Variants in TMCO1 observed in about 807,000 individuals in gnomAD.
TMCO1 encodes the protein transmembrane and coiled-coil domains 1, also known as calcium load-activated calcium channel.
Under a neutral mutation model 29.3 loss-of-function variants are expected in TMCO1, and 29 were observed. The observed-to-expected ratio is 0.99, with a 90% CI of 0.74 to 1.35. The LOEUF is 1.35. Among genes scored for constraint, TMCO1 ranks in the 40% most tolerant of loss-of-function variants. The pLI, the probability that TMCO1 is intolerant of heterozygous loss-of-function variation, is 0.00. For missense variants in TMCO1, 173 were observed against 225.5 expected, an observed-to-expected ratio of 0.77 and a Z score of 1.49; for synonymous variants, 80 against 77.1, an observed-to-expected ratio of 1.04 and a Z score of -0.20.
chr1:165,751,473 G>A (rs1436950036), intron 5 of TMCO1, among the ~76,000 whole-genome samples: 1 of 152,116 alleles, frequency 6.6e-6, no homozygotes, highest in East Asian at 1.9e-4. Context: ...GGAGGCCGAG[G>A]CAGGTGAATC....
At chr1:165,755,913 C>A (rs1028700269) in intron 3 of TMCO1, among the ~76,000 whole-genome samples, 1 of 152,028 alleles carries the variant, frequency 6.6e-6, no homozygotes, top group African/African-American at 2.4e-5. Flanking sequence ...CAATTAGATT[C>A]CTCTCTCAGG....
At chr1:165,746,262 T>G (rs1558035552) in intron 5 of TMCO1, among the ~76,000 whole-genome samples, 1 of 149,800 alleles carries the variant, frequency 6.7e-6, no homozygotes, top group African/African-American at 2.5e-5. Context: ...TGAGCCGAGA[T>G]TGTGCCACTG....
chr1:165,742,937 G>C (rs1651649325), intron 6 of TMCO1, among the ~76,000 whole-genome samples: 1 of 152,282 alleles, frequency 6.6e-6, no homozygotes, highest in Admixed American at 6.5e-5. Context: ...CTAAGAATGG[G>C]ATGTGGAATC....
Position 165,726,896 on chromosome 1 carries a change from G to A in TMCO1, c.*1127C>T, listed in dbSNP as rs1650915689. 1 of 453,804 alleles carries A rather than the reference G, an allele frequency of 2.2e-6. No individual in the cohort carries two copies. Among genetic ancestry groups the A allele is most frequent in the African/African-American group, 2.0e-5 (1 of 49,930 alleles). 28.1% of individuals were successfully genotyped at this position (453,804 alleles called of 1,614,324 possible). A position where few individuals can be genotyped will look rare whatever the true frequency, so the allele number is the denominator to read the frequency against. ...AGCACTTTGAAGATACTTTTCTACT[G>A]TCTTCTGGACTTTATGGTGCTGATA... On this transcript the variant is annotated 3_prime_UTR_variant, in exon 7 of 7. Transcript: ENST00000367881.
At chr1:165,738,989 A>G (rs1651487057) in intron 6 of TMCO1, among the ~76,000 whole-genome samples, 1 of 152,204 alleles carries the variant, frequency 6.6e-6, no homozygotes, top group African/African-American at 2.4e-5. Context: ...TGAACCAGGC[A>G]GGAAACAGGC....
intron 6 of TMCO1, among the ~76,000 whole-genome samples, chr1:165,731,471 C>G (rs1651157917): frequency 6.6e-6 from 1 of 152,142 alleles, no homozygotes; most frequent in South Asian, 2.1e-4. Context: ...AGACAAAATA[C>G]ACAAGGGATT....
intron 5 of TMCO1, among the ~76,000 whole-genome samples, chr1:165,750,537 G>A (rs1295200863): frequency 9.0e-6 from 1 of 111,470 alleles, no homozygotes. Flanking sequence ...GCAAAACTCC[G>A]TCTCAAAAAA....
At chr1:165,729,291 T>C (rs1485396301) in intron 6 of TMCO1, among the ~76,000 whole-genome samples, 1 of 150,504 alleles carries the variant, frequency 6.6e-6, no homozygotes, top group African/African-American at 2.4e-5. Context: ...TTATTCAGTT[T>C]TTAAAAACAT....
intron 5 of TMCO1, among the ~76,000 whole-genome samples, chr1:165,748,073 C>T (rs538723262): frequency 2.0e-5 from 3 of 151,742 alleles, no homozygotes; most frequent in South Asian, 2.1e-4. Context: ...GCAGGAGAAT[C>T]GCTTGAACCC....
At chr1:165,759,243 A>G (rs1464846875) in intron 3 of TMCO1, among the ~76,000 whole-genome samples, 1 of 152,200 alleles carries the variant, frequency 6.6e-6, no homozygotes, top group Non-Finnish European at 1.5e-5. Context: ...TGCTTTTACA[A>G]ACTATGCCAA....
chr1:165,752,202 C>A lies in TMCO1; in HGVS notation c.256-33G>T, dbSNP rs201738433. The A allele has an allele frequency of 2.2e-4, 332 of 1,516,486 alleles. 3 individuals are homozygous for A. In the East Asian group the frequency reaches 6.9e-3, roughly 32 times the overall value. The allele number at this position is 1,516,486 out of a possible 1,614,324, so 93.9% of individuals were successfully genotyped here. ...GAGACGAACAAATTGTCATTTTACA[C>A]TAAAAAAAAACACATCTAAAGCATA... On this transcript the variant is annotated intron_variant, in intron 4 of 6. Coordinates refer to ENST00000367881, the MANE Select transcript of TMCO1 (RefSeq NM_019026.6).
intron 2 of TMCO1, among the ~76,000 whole-genome samples, chr1:165,765,881 T>C (rs181087527): frequency 6.6e-6 from 1 of 152,278 alleles, no homozygotes. Context: ...CAAATAGGCT[T>C]TTAAAAAGAT....
intron 6 of TMCO1, among the ~76,000 whole-genome samples, chr1:165,740,036 A>G (rs113299150): frequency 3.3e-5 from 5 of 151,592 alleles, no homozygotes; most frequent in African/African-American, 1.2e-4. Context: ...CACTTGAACC[A>G]GGGAGGCGGA....
At chr1:165,757,050 T>G (rs1326531826) in intron 3 of TMCO1, among the ~76,000 whole-genome samples, 20 of 152,162 alleles carry the variant, frequency 1.3e-4, no homozygotes, top group Admixed American at 1.3e-3. Context: ...TCCAGGCTTA[T>G]CAGCAGCCGA....
intron 6 of TMCO1, among the ~76,000 whole-genome samples, chr1:165,729,974 T>C (rs80086309): frequency 0.034 from 5,158 of 152,000 alleles, 309 homozygotes; most frequent in African/African-American, 0.12. Flanking sequence ...TCTACAAGCA[T>C]ACACACCCTC....
At chr1:165,724,989 TCTCTCTCTCTC>T, downstream of TMCO1, 1 of 85,860 alleles carries the variant, frequency 1.2e-5, no homozygotes, top group South Asian at 1.1e-4. Flanking sequence ...TCTCTCTTTC[TCTCTCTCTCTC>T]TCTCTCTCTC....
intron 6 of TMCO1, among the ~76,000 whole-genome samples, chr1:165,731,978 A>G (rs754465197): frequency 2.6e-5 from 4 of 152,230 alleles, no homozygotes; most frequent in Non-Finnish European, 5.9e-5. Flanking sequence ...GTGAAATTCT[A>G]AACTAATCTG....
chr1:165,751,546 A>T (rs1021303598), intron 5 of TMCO1, among the ~76,000 whole-genome samples: 5 of 152,120 alleles, frequency 3.3e-5, no homozygotes, highest in Admixed American at 6.5e-5. Context: ...TCTACTAAAA[A>T]TACAAAAATT....
In TMCO1 at chr1:165,768,671, C is replaced by A. The variant is rs751816188; in HGVS notation, c.70+11G>T. ...GGACTGATCAAACGTCTGAGAAATA[C>A]CCGCTCTCACCCTCTGCGAGCAGAG... is the stretch of plus-strand genomic sequence containing the variant. On this transcript the variant is annotated intron_variant, in intron 1 of 6. Transcript: ENST00000367881. The A allele has an allele frequency of 4.3e-6, 7 of 1,614,100 alleles. No individual in the cohort carries two copies. In the African/African-American group the frequency reaches 6.7e-5, roughly 15 times the overall value.
Sources: gnomAD v4.1 joint callset for allele counts (sites outside exome capture counted in the v4.1 genomes callset) on GRCh38, gnomAD v4.1.1 for gene constraint, MANE v1.5 for transcripts, NCBI Gene and HGNC (gene_info 2026-07-23, HGNC 2026-07-21) for gene names.